SETD5: variants seen among roughly 807,000 people sequenced by gnomAD.
SETD5 encodes SET domain containing 5.
In SETD5, 44 loss-of-function variants were observed where a neutral mutation model predicts 153.3. The ratio of observed to expected loss-of-function variants is 0.29; its 90% CI spans 0.23 to 0.37. The LOEUF is 0.37. SETD5 is among the 10% of genes least tolerant of loss of function. The pLI is 1.00. For missense variants in SETD5, 1,544 were observed against 1,768.0 expected (o/e 0.87, Z 2.27); for synonymous variants, 716 against 645.2 (o/e 1.11, Z -1.66).
intron 1 of SETD5, among the ~76,000 whole-genome samples, chr3:9,414,872 G>A (rs951645718): frequency 2.6e-5 from 4 of 151,594 alleles, no homozygotes; most frequent in Non-Finnish European, 5.9e-5. Flanking sequence ...AGGAAATACA[G>A]TATTCAAAAA....
At chr3:9,452,925 G>A (rs975282567) in intron 16 of SETD5, among the ~76,000 whole-genome samples, 1 of 152,040 alleles carries the variant, frequency 6.6e-6, no homozygotes, top group Non-Finnish European at 1.5e-5. Flanking sequence ...ACCTACAACT[G>A]TATATCTTAA....
intron 18 of SETD5, among the ~76,000 whole-genome samples, chr3:9,465,807 A>G (rs545475536): frequency 6.6e-6 from 1 of 152,312 alleles, no homozygotes; most frequent in South Asian, 2.1e-4. Context: ...TCTTTCAGCC[A>G]GATAATAAAG....
At chr3:9,412,284 G>A (rs965316537) in intron 1 of SETD5, among the ~76,000 whole-genome samples, 2 of 148,416 alleles carry the variant, frequency 1.3e-5, no homozygotes, top group Admixed American at 1.4e-4. Flanking sequence ...TAGTATTTTA[G>A]ATATGGGCAT....
intron 17 of SETD5, among the ~76,000 whole-genome samples, chr3:9,460,431 CTT>C (rs74948528): frequency 7.9e-5 from 11 of 138,580 alleles, no homozygotes; most frequent in Admixed American, 1.5e-4. Context: ...AAAATCCTAA[CTT>C]TTTTTTTTTT....
intron 16 of SETD5, among the ~76,000 whole-genome samples, chr3:9,451,224 A>G (rs139960836): frequency 2.0e-5 from 3 of 152,334 alleles, no homozygotes; most frequent in African/African-American, 7.2e-5. Flanking sequence ...TTATCTGTAA[A>G]TCTCCAAACA....
Position 9,448,384 on chromosome 3 carries a change from T to G in SETD5, c.2104-4T>G, listed in dbSNP as rs1351923925. On this transcript the variant is annotated splice_polypyrimidine_tract_variant and splice_region_variant and intron_variant, in intron 15 of 22. Transcript: ENST00000402198. ...ATAAACTAATGATCTCTTTTTTACC[T>G]TAGTATCTAGTTACAGAATGGTTGA... 1 of 1,613,576 alleles carries G rather than the reference T, an allele frequency of 6.2e-7. No individual in the cohort carries two copies. The highest frequency in any genetic ancestry group is 1.3e-5 in the African/African-American group (1 of 74,922).
At chr3:9,443,525 T>TAA in intron 11 of SETD5, 108 bp downstream of exon 11, 3 of 605,490 alleles carry the variant, frequency 5.0e-6, no homozygotes, top group Non-Finnish European at 7.4e-6. Flanking sequence ...TTTGTTTACT[T>TAA]AATCTTTTCA....
At chr3:9,470,339 G>A (rs1449260894) in intron 18 of SETD5, 120 bp from the exon 19 acceptor site, 1 of 745,810 alleles carries the variant, frequency 1.3e-6, no homozygotes, top group Non-Finnish European at 2.3e-6. Flanking sequence ...GGCTTTATCT[G>A]CTCTACTTCC....
Position 9,453,731 on chromosome 3 carries a change from A to G in SETD5, c.2347-8A>G, listed in dbSNP as rs758482835. 4.7e-5 allele frequency: 74 copies of G among 1,574,304 alleles called. No individual in the cohort carries two copies. Among genetic ancestry groups the G allele is most frequent in the Admixed American group, 3.2e-4 (15 of 46,948 alleles). On this transcript the variant is annotated splice_region_variant and splice_polypyrimidine_tract_variant and intron_variant, in intron 16 of 22. Transcript: ENST00000402198. The stretch of plus-strand genomic sequence containing the variant: ...TATTGATAATTCTCTGGTTCTTTTC[A>G]ATTATAGCGCTGGATAAAACAAGCC...
At chr3:9,404,395 T>G (rs890316703) in intron 1 of SETD5, among the ~76,000 whole-genome samples, 4 of 152,246 alleles carry the variant, frequency 2.6e-5, no homozygotes, top group African/African-American at 9.6e-5. Context: ...ATATAATATT[T>G]CGACCAAAAG....
intron 18 of SETD5, among the ~76,000 whole-genome samples, chr3:9,469,548 A>T (rs2045050589): frequency 6.6e-6 from 1 of 152,168 alleles, no homozygotes; most frequent in African/African-American, 2.4e-5. Flanking sequence ...AGTATATTAG[A>T]GATTTTCTTG....
At chr3:9,409,998 G>A (rs143220844) in intron 1 of SETD5, among the ~76,000 whole-genome samples, 8 of 152,244 alleles carry the variant, frequency 5.3e-5, no homozygotes, top group Admixed American at 2.6e-4. Context: ...TTTGCCCTTA[G>A]GGTATATCCC....
Position 9,474,458 on chromosome 3 carries a change from C to T in SETD5, c.3507C>T (p.Pro1169=). Residue 1169 remains proline, a synonymous_variant, in exon 21 of 23, where the codon CCC becomes CCT. Coordinates refer to ENST00000402198, the MANE Select transcript of SETD5 (RefSeq NM_001080517.3). The part of the protein sequence containing the change: ...QENISSRWMV[P]TSVERLREGG... Reference sequence around the variant, plus strand: ...CCTGTTGCCTTTACAGGATGGTTCCCACATCAGTAGAACGACTCCGAGAAG... The same window carrying T: ...CCTGTTGCCTTTACAGGATGGTTCCTACATCAGTAGAACGACTCCGAGAAG... 1 of 1,613,768 alleles carries T rather than the reference C, an allele frequency of 6.2e-7. No individual in the cohort carries two copies. Among genetic ancestry groups the T allele is most frequent in the Non-Finnish European group, 8.5e-7 (1 of 1,179,786 alleles).
Position 9,434,631 on chromosome 3 carries a change from G to A in SETD5, c.329+146G>A, listed in dbSNP as rs749804054. The A allele has an allele frequency of 8.4e-5, 124 of 1,478,488 alleles. No individual in the cohort carries two copies. Among genetic ancestry groups the A allele is most frequent in the Non-Finnish European group, 6.8e-5 (76 of 1,114,854 alleles). 91.6% of individuals were successfully genotyped at this position (1,478,488 alleles called of 1,614,324 possible). ...CCTTGGCTCGAATTCTCTGCACTAG[G>A]TGAGAATTGCTGACAACAAGGAATG... On this transcript the variant is annotated intron_variant, in intron 5 of 22. Transcript: ENST00000402198. This position sits in a 1 kb window ranked among gnomAD's most constrained non-coding sequence, Gnocchi z 5.6.
At chr3:9,425,165 G>T (rs962261105) in intron 2 of SETD5, among the ~76,000 whole-genome samples, 1 of 147,380 alleles carries the variant, frequency 6.8e-6, no homozygotes, top group Non-Finnish European at 1.5e-5. Context: ...GGGTTCAAGC[G>T]ATTCTCTTGC....
chr3:9,428,804 T>G lies in SETD5; in HGVS notation c.-116-19T>G. On this transcript the variant is annotated intron_variant, in intron 2 of 22. Coordinates refer to ENST00000402198, the MANE Select transcript of SETD5 (RefSeq NM_001080517.3). ...AACTAGGTATTTATTTTACTAGATA[T>G]TTTCCTTTTCTGTTACAGGATTCCT... 1 of 491,766 alleles carries G rather than the reference T, an allele frequency of 2.0e-6. No individual in the cohort carries two copies. Among genetic ancestry groups the G allele is most frequent in the East Asian group, 3.2e-5 (1 of 30,980 alleles). 30.5% of individuals were successfully genotyped at this position (491,766 alleles called of 1,614,324 possible). A position where few individuals can be genotyped will look rare whatever the true frequency, so the allele number is the denominator to read the frequency against.
intron 2 of SETD5, among the ~76,000 whole-genome samples, chr3:9,427,719 C>G (rs552591940): frequency 6.6e-6 from 1 of 152,138 alleles, no homozygotes; most frequent in Non-Finnish European, 1.5e-5. Flanking sequence ...TCCTTGTTAA[C>G]ATGGGTCTTT....
chr3:9,475,216 C>T (rs1420126172), intron 22 of SETD5, 60 bp downstream of exon 22: 9 of 1,467,024 alleles, frequency 6.1e-6, no homozygotes, highest in Non-Finnish European at 7.4e-6. Context: ...CCAAATTGTC[C>T]TGGTCATCCT....
At chr3:9,455,746 T>C (rs1575522176) in intron 17 of SETD5, among the ~76,000 whole-genome samples, 1 of 152,180 alleles carries the variant, frequency 6.6e-6, no homozygotes, top group Admixed American at 6.5e-5. Flanking sequence ...ATGTGTATAG[T>C]TAAGGTTGGG....
Sources: gnomAD v4.1 joint callset for allele counts (sites outside exome capture counted in the v4.1 genomes callset) on GRCh38, gnomAD v4.1.1 for gene constraint, Gnocchi (gnomAD v3.1) non-coding constraint, MANE v1.5 for transcripts, NCBI Gene and HGNC (gene_info 2026-07-23, HGNC 2026-07-21) for gene names.